The following RPRD1A variants were observed in gnomAD, a reference collection of about 807,000 sequenced individuals.
RPRD1A encodes regulation of nuclear pre-mRNA domain containing 1A.
In RPRD1A, 9 loss-of-function variants were observed where a neutral mutation model predicts 37.8. That is an observed-to-expected ratio of 0.24 (90% confidence interval 0.14 to 0.42). The LOEUF (loss-of-function observed/expected upper bound fraction) is 0.42, where lower values mean the gene tolerates loss of function less well. Ranked by LOEUF, RPRD1A falls within the 10% of genes least tolerant of loss-of-function variation. The probability of loss-of-function intolerance (pLI) is 1.00; values close to 1 mark genes in which losing one functional copy is unlikely to be tolerated. For synonymous variants in RPRD1A, 138 were observed against 139.7 expected (o/e 0.99, Z 0.08); for missense variants, 255 against 371.0 (o/e 0.69, Z 2.57).
At chr18:36,052,585 T>C (rs1417222771) in intron 1 of RPRD1A, among the ~76,000 whole-genome samples, 1 of 151,888 alleles carries the variant, frequency 6.6e-6, no homozygotes. Context: ...TGAAGATAAG[T>C]TGGTATCAAT....
At chr18:36,016,641 T>C (rs1292696125) in intron 6 of RPRD1A, among the ~76,000 whole-genome samples, 1 of 152,204 alleles carries the variant, frequency 6.6e-6, no homozygotes, top group Non-Finnish European at 1.5e-5. Context: ...CAAAACTTAG[T>C]TGAAGGGTGA....
intron 6 of RPRD1A, among the ~76,000 whole-genome samples, chr18:36,001,223 T>G (rs1472189694): frequency 6.6e-6 from 1 of 152,182 alleles, no homozygotes; most frequent in Non-Finnish European, 1.5e-5. Context: ...CTGAACCTCC[T>G]AATAATGATG....
At position 35,991,687 on chromosome 18, in the gene RPRD1A, C is replaced by G. The variant is rs1372656168; in HGVS notation, c.*1464G>C. 2 of 152,152 alleles carry G rather than the reference C, an allele frequency of 1.3e-5. No homozygotes were observed. Among genetic ancestry groups the G allele is most frequent in the Non-Finnish European group, 2.9e-5 (2 of 68,022 alleles). 9.4% of individuals were successfully genotyped at this position (152,152 alleles called of 1,614,324 possible). A position where few individuals can be genotyped will look rare whatever the true frequency, so the allele number is the denominator to read the frequency against. On this transcript the variant is annotated 3_prime_UTR_variant, in exon 7 of 7. Transcript: ENST00000399022. ...ATGGATGAGCACTACTTATATGTGT[C>G]TCTGTTTTGGAGAGAGGTCAAATTG...
At chr18:36,039,096 G>T (rs151308791) in intron 1 of RPRD1A, among the ~76,000 whole-genome samples, 1 of 152,262 alleles carries the variant, frequency 6.6e-6, no homozygotes, top group East Asian at 1.9e-4. Context: ...GTTTTGAAAT[G>T]TAAGAAGGAC....
rs149597635 is a variant in RPRD1A at position 36,000,689 on chromosome 18, G to A, written c.790-7389C>T. 1.5e-4 allele frequency among the ~76,000 whole-genome samples: 23 copies of A among 152,230 alleles called. No individual in the cohort carries two copies. The East Asian group carries it at 4.4e-3, about 29-fold the overall frequency. ...TACTATATGCCAAACATTGTTCCAA[G>A]TGCTCCATTTAATCTTCACTGGTAG... On this transcript the variant is annotated intron_variant, in intron 6 of 6. Transcript: ENST00000399022.
chr18:35,996,429 G>A (rs1297019164), intron 6 of RPRD1A, among the ~76,000 whole-genome samples: 5 of 152,060 alleles, frequency 3.3e-5, no homozygotes, highest in Admixed American at 6.6e-5. Context: ...AAGATAACAC[G>A]CTGGTTTCCC....
chr18:36,047,919 C>T (rs921302248), intron 1 of RPRD1A, among the ~76,000 whole-genome samples: 1 of 152,136 alleles, frequency 6.6e-6, no homozygotes, highest in Non-Finnish European at 1.5e-5. Flanking sequence ...TAAAATTCTA[C>T]ACACTCTCTT....
intron 1 of RPRD1A, among the ~76,000 whole-genome samples, chr18:36,057,433 A>G (rs1393690554): frequency 6.6e-6 from 1 of 152,084 alleles, no homozygotes; most frequent in Non-Finnish European, 1.5e-5. Flanking sequence ...TATGGCAAAC[A>G]CGGTCTCTAC....
At chr18:36,018,343 G>A (rs1049896583) in intron 6 of RPRD1A, among the ~76,000 whole-genome samples, 11 of 150,420 alleles carry the variant, frequency 7.3e-5, no homozygotes, top group African/African-American at 2.5e-4. Flanking sequence ...GCGCAATCTC[G>A]GCTCACTGCA....
At position 36,008,577 on chromosome 18, in the gene RPRD1A, G is replaced by GTGTGTGTATATATATA; in HGVS notation, c.790-15278_790-15277insTATATATATACACACA. The stretch of plus-strand genomic sequence containing the variant: ...GGCGACACAGCAAGACCTTGTGTGT[G>GTGTGTGTATATATATA]TATATATATATATCTTTAAAAATCT... On this transcript the variant is annotated intron_variant, in intron 6 of 6. Coordinates refer to ENST00000399022, the MANE Select transcript of RPRD1A (RefSeq NM_018170.5). 6.1e-4 allele frequency among the ~76,000 whole-genome samples: 29 copies of GTGTGTGTATATATATA among 47,790 alleles called. 5 individuals carry two copies. The highest frequency in any genetic ancestry group is 1.1e-3 in the Admixed American group (4 of 3,558). 31.4% of individuals were successfully genotyped at this position (47,790 alleles called of 152,430 possible).
intron 1 of RPRD1A, among the ~76,000 whole-genome samples, chr18:36,053,822 G>C (rs990549506): frequency 2.0e-5 from 3 of 152,072 alleles, no homozygotes; most frequent in Admixed American, 6.5e-5. Context: ...AACCTAGGCA[G>C]TGGGGTGAAA....
chr18:36,025,500 A>AAACTT, intron 6 of RPRD1A: 1 of 519,764 alleles, frequency 1.9e-6, no homozygotes, highest in South Asian at 2.0e-5. Flanking sequence ...GTTTTTGTAA[A>AAACTT]CAGTGACAAA....
At chr18:36,024,138 C>CGT (rs150196073) in intron 6 of RPRD1A, among the ~76,000 whole-genome samples, 2,704 of 151,384 alleles carry the variant, frequency 0.018, 48 homozygotes, top group African/African-American at 0.036. Flanking sequence ...ACAGTTATCT[C>CGT]GTGTGTGTGT....
chr18:36,043,180 A>G (rs1480545363), intron 1 of RPRD1A, among the ~76,000 whole-genome samples: 1 of 133,380 alleles, frequency 7.5e-6, no homozygotes, highest in Admixed American at 7.6e-5. Context: ...TATCTTTGGG[A>G]AAGATCAAGA....
At chr18:36,067,216 G>A (rs1163221544) in intron 1 of RPRD1A, 38 bp downstream of exon 1, 2 of 1,529,000 alleles carry the variant, frequency 1.3e-6, no homozygotes, top group Non-Finnish European at 1.8e-6. Context: ...GAGGCCGGCC[G>A]GGTGGTGGGA....
At chr18:36,056,312 G>A (rs1232995032) in intron 1 of RPRD1A, among the ~76,000 whole-genome samples, 2 of 151,758 alleles carry the variant, frequency 1.3e-5, no homozygotes, top group African/African-American at 2.4e-5. Flanking sequence ...TTTGAGATGG[G>A]AGTCTTGCTT....
chr18:36,000,165 A>G (rs1362082141), intron 6 of RPRD1A, among the ~76,000 whole-genome samples: 1 of 152,232 alleles, frequency 6.6e-6, no homozygotes, highest in Non-Finnish European at 1.5e-5. Context: ...AAGGAAATAA[A>G]GATCTCAGTG....
intron 6 of RPRD1A, among the ~76,000 whole-genome samples, chr18:35,994,279 C>T (rs556772760): frequency 2.1e-4 from 32 of 152,250 alleles, no homozygotes; most frequent in African/African-American, 7.2e-4. Context: ...CTGAGAGGAC[C>T]ATCCTAGAGA....
intron 6 of RPRD1A, among the ~76,000 whole-genome samples, chr18:35,993,922 AAAG>A (rs1908863492): frequency 6.6e-6 from 1 of 152,206 alleles, no homozygotes; most frequent in Non-Finnish European, 1.5e-5. Context: ...CACTCCTGGA[AAAG>A]AAGTTCCTTC....
Sources: allele counts gnomAD v4.1 joint callset (sites outside exome capture counted in the v4.1 genomes callset), GRCh38; gene constraint gnomAD v4.1.1; transcripts MANE v1.5; gene names NCBI Gene and HGNC (gene_info 2026-07-23, HGNC 2026-07-21).